The following BABAM1 variants were observed in gnomAD, a reference collection of about 807,000 sequenced individuals.
BABAM1 encodes the protein BRISC and BRCA1-A complex member 1.
A neutral mutation model predicts 34.4 loss-of-function variants in BABAM1; 14 were observed. The ratio of observed to expected loss-of-function variants is 0.41; its 90% CI spans 0.27 to 0.64. BABAM1 has a LOEUF of 0.64. BABAM1 is among the 30% of genes least tolerant of loss of function. BABAM1 has a pLI of 0.34. For missense variants in BABAM1, 393 were observed against 434.0 expected (o/e 0.91, Z 0.84); for synonymous variants, 169 against 165.8 (o/e 1.02, Z -0.15).
rs200472252 is a variant in BABAM1, at chr19:17,275,764, C to G, written c.545-37C>G. ...GGAAGCCACCTGTTTCCCGCTCACT[C>G]GTGCTCTACTAGCCTTCTCCTTAGC... On this transcript the variant is annotated intron_variant, in intron 5 of 8. Coordinates refer to ENST00000598188, the MANE Select transcript of BABAM1 (RefSeq NM_014173.4). 3 of 1,613,406 alleles carry G rather than the reference C, an allele frequency of 1.9e-6. No individual in the cohort carries two copies. The South Asian group carries it at 3.3e-5, about 18-fold the overall frequency.
At chr19:17,272,075 A>T (rs1007885131) in intron 3 of BABAM1, among the ~76,000 whole-genome samples, 1 of 151,700 alleles carries the variant, frequency 6.6e-6, no homozygotes. Flanking sequence ...CGAGTACCTG[A>T]GATTATAGGC....
chr19:17,267,736 G>A (rs985464464), intron 1 of BABAM1, among the ~76,000 whole-genome samples: 2 of 152,144 alleles, frequency 1.3e-5, no homozygotes, highest in African/African-American at 4.8e-5. Flanking sequence ...TGGGAAGCCC[G>A]TGCCTATTTC....
intron 1 of BABAM1, 113 bp from the exon 2 acceptor site, chr19:17,268,681 G>A (rs2073799857): frequency 2.5e-6 from 3 of 1,199,874 alleles, no homozygotes; most frequent in Non-Finnish European, 3.4e-6. Flanking sequence ...CACCTGCCTC[G>A]GCCTCCCAAA....
In BABAM1 at chr19:17,268,902, AG is replaced by A; in HGVS notation, c.100del (p.Ala34LeufsTer6). ...PRPRTRSNPE[G>X]AEDRAVGAQA... ...GGCCCCGCACTCGCTCCAATCCTGA[AG>A]GGGCTGAGGACCGGGCAGTAGGGGC... On this transcript the variant is annotated frameshift_variant, in exon 2 of 9. Coordinates refer to ENST00000598188, the MANE Select transcript of BABAM1 (RefSeq NM_014173.4). LOFTEE classifies it high-confidence loss of function. 2 of 1,587,370 alleles carry A rather than the reference AG, an allele frequency of 1.3e-6. No homozygotes were observed. Among genetic ancestry groups the A allele is most frequent in the Non-Finnish European group, 1.7e-6 (2 of 1,167,812 alleles).
At chr19:17,276,397 C>T (rs951856014) in intron 6 of BABAM1, 98 bp from the exon 7 acceptor site, 1 of 1,533,266 alleles carries the variant, frequency 6.5e-7, no homozygotes. Flanking sequence ...TCAGTGGGGC[C>T]TCACCTGCCC....
intron 3 of BABAM1, among the ~76,000 whole-genome samples, chr19:17,272,952 A>T (rs1406524053): frequency 6.6e-6 from 1 of 152,088 alleles, no homozygotes; most frequent in East Asian, 2.0e-4. Context: ...TGGGAGATGG[A>T]GGTTGCGGTG....
At chr19:17,269,992 G>A (rs1327235915) in intron 2 of BABAM1, among the ~76,000 whole-genome samples, 25 of 150,028 alleles carry the variant, frequency 1.7e-4, no homozygotes, top group Admixed American at 1.3e-3. Flanking sequence ...GTGCAGTGGC[G>A]CTATCTCGGC....
chr19:17,277,499 G>A (rs569516514), intron 8 of BABAM1: 3 of 153,398 alleles, frequency 2.0e-5, no homozygotes, highest in Non-Finnish European at 4.3e-5. Flanking sequence ...ACCACGACCC[G>A]CTCCCTCTTC....
chr19:17,276,482 C>T lies in BABAM1; in HGVS notation c.570-13C>T, dbSNP rs1412067476. 1.3e-6 allele frequency: 2 copies of T among 1,586,646 alleles called. No individual in the cohort carries two copies. Among genetic ancestry groups the T allele is most frequent in the Non-Finnish European group, 1.7e-6 (2 of 1,167,306 alleles). On this transcript the variant is annotated splice_polypyrimidine_tract_variant and intron_variant, in intron 6 of 8. Transcript: ENST00000598188. ...CAGGCTGCTCTGACTGCTCCCTCCTCCCGGGTATGCAGCCAGCAGAAAACT... is the reference window on the plus strand; with the variant it reads ...CAGGCTGCTCTGACTGCTCCCTCCTTCCGGGTATGCAGCCAGCAGAAAACT...
At position 17,267,522 on chromosome 19, in the gene BABAM1, C is replaced by G. The variant is rs1371792350; in HGVS notation, c.-19C>G. 1 of 152,176 alleles carries G rather than the reference C, an allele frequency of 6.6e-6. No individual in the cohort carries two copies. Among genetic ancestry groups the G allele is most frequent in the Non-Finnish European group, 1.5e-5 (1 of 68,052 alleles). 9.4% of individuals were successfully genotyped at this position (152,176 alleles called of 1,614,324 possible). A position where few individuals can be genotyped will look rare whatever the true frequency, so the allele number is the denominator to read the frequency against. On this transcript the variant is annotated 5_prime_UTR_variant, in exon 1 of 9. Coordinates refer to ENST00000598188, the MANE Select transcript of BABAM1 (RefSeq NM_014173.4). ...AGAAGGAGGTTCAGGCTACGGTGAGCCGAAGGTGGGTGGTGAAAGCGTGTG... is the reference window on the plus strand; with the variant it reads ...AGAAGGAGGTTCAGGCTACGGTGAGGCGAAGGTGGGTGGTGAAAGCGTGTG...
chr19:17,276,283 C>T (rs547317530), intron 6 of BABAM1: 63 of 662,860 alleles, frequency 9.5e-5, no homozygotes, highest in African/African-American at 8.2e-4. Flanking sequence ...TGCAGTGAGC[C>T]GAGATCTCAC....
chr19:17,273,719 C>T (rs373668352), intron 3 of BABAM1, among the ~76,000 whole-genome samples, 185 bp from the exon 4 acceptor site: 11 of 151,910 alleles, frequency 7.2e-5, no homozygotes, highest in South Asian at 4.2e-4. Context: ...CTCGCCACCA[C>T]GCCTGGCTAA....
At chr19:17,274,396 T>G in intron 5 of BABAM1, 1 of 609,134 alleles carries the variant, frequency 1.6e-6, no homozygotes, top group South Asian at 2.0e-5. Context: ...GCTGTAACAA[T>G]ACAGAAGCAA....
chr19:17,271,045 G>A (rs2073835412), intron 2 of BABAM1, among the ~76,000 whole-genome samples: 1 of 150,262 alleles, frequency 6.7e-6, no homozygotes, highest in Non-Finnish European at 1.5e-5. Flanking sequence ...CTGGAGTGCA[G>A]TGGCTCAATC....
rs764988215 is a variant in BABAM1 at position 17,278,922 on chromosome 19, C to A, written c.864C>A (p.Ala288=). The change falls in exon 9 of 9, where the codon GCC becomes GCA. Residue 288 remains alanine, a synonymous_variant. Coordinates refer to ENST00000598188, the MANE Select transcript of BABAM1 (RefSeq NM_014173.4). ...ATGAGGTGGCACTGGCTGGGCCAGC[C>A]CTGGAGTTGCACAACTGCATGGCGA... ...YKYEVALAGP[A]LELHNCMAKL... 1 of 1,613,436 alleles carries A rather than the reference C, an allele frequency of 6.2e-7. No individual in the cohort carries two copies. Among genetic ancestry groups the A allele is most frequent in the Non-Finnish European group, 8.5e-7 (1 of 1,179,774 alleles).
chr19:17,269,140 A>G (rs2073807479), intron 2 of BABAM1, 49 bp downstream of exon 2: 3 of 1,504,306 alleles, frequency 2.0e-6, no homozygotes, highest in Admixed American at 2.3e-5. Flanking sequence ...GGAACCTAGC[A>G]TCTTGTCTTT....
intron 5 of BABAM1, 189 bp downstream of exon 5, chr19:17,274,374 C>T: frequency 1.4e-6 from 1 of 691,870 alleles, no homozygotes; most frequent in South Asian, 1.9e-5. Flanking sequence ...AAGTTGCCTA[C>T]CCCATGGAGA....
intron 8 of BABAM1, 85 bp from the exon 9 acceptor site, chr19:17,278,760 C>CT (rs2145628643): frequency 1.5e-6 from 2 of 1,356,346 alleles, no homozygotes; most frequent in East Asian, 5.0e-5. Flanking sequence ...GTCCCCTCTT[C>CT]TGAGAAGCCC....
At chr19:17,278,815 G>C in intron 8 of BABAM1, 30 bp from the exon 9 acceptor site, 1 of 1,590,526 alleles carries the variant, frequency 6.3e-7, no homozygotes, top group African/African-American at 1.3e-5. Flanking sequence ...TGCCTGAACA[G>C]CCCTTCACTG....
Sources: gnomAD v4.1 joint callset for allele counts (sites outside exome capture counted in the v4.1 genomes callset) on GRCh38, gnomAD v4.1.1 for gene constraint, MANE v1.5 for transcripts, NCBI Gene and HGNC (gene_info 2026-07-23, HGNC 2026-07-21) for gene names.